Variants in KRR1 observed in about 807,000 individuals in gnomAD.
The protein encoded by KRR1 is KRR1 small subunit processome component, also known as KRR1 small subunit processome component homolog.
In KRR1, 23 loss-of-function variants were observed where a neutral mutation model predicts 50.0. The observed-to-expected ratio is 0.46, with a 90% CI of 0.33 to 0.65. The LOEUF (loss-of-function observed/expected upper bound fraction) is 0.65. KRR1 is among the 30% of genes least tolerant of loss of function. The pLI is 0.02. For missense variants in KRR1, 419 were observed against 442.4 expected, an observed-to-expected ratio of 0.95 and a Z score of 0.47; for synonymous variants, 133 against 146.3, an observed-to-expected ratio of 0.91 and a Z score of 0.66.
Position 75,499,601 on chromosome 12 carries a change from CAA to C in KRR1, c.*206_*207del, listed in dbSNP as rs71684960. 77,016 of 313,242 alleles carry C rather than the reference CAA, an allele frequency of 0.25. 10,262 individuals carry two copies. The highest frequency in any genetic ancestry group is 0.34 in the South Asian group (4,073 of 11,954). 19.4% of individuals were successfully genotyped at this position (313,242 alleles called of 1,614,324 possible). The stretch of plus-strand genomic sequence containing the variant: ...ATAATCACAATGGTCGTAATGTATA[CAA>C]AGACTTATATACCACTTTCTCGTAT... On this transcript the variant is annotated 3_prime_UTR_variant, in exon 10 of 10. Transcript: ENST00000229214.
chr12:75,509,845 T>TTACCCCA (rs2046439028), intron 1 of KRR1, among the ~76,000 whole-genome samples: 1 of 151,892 alleles, frequency 6.6e-6, no homozygotes, highest in Non-Finnish European at 1.5e-5. Context: ...CTCCTCAGCT[T>TTACCCCA]GCCAAAGTGC....
At chr12:75,509,759 A>AT (rs141358671) in intron 1 of KRR1, among the ~76,000 whole-genome samples, 4,201 of 140,180 alleles carry the variant, frequency 0.03, 177 homozygotes, top group African/African-American at 0.098. Context: ...TGTCCGGCTA[A>AT]TTTTTTTTTT....
Position 75,496,749 on chromosome 12 carries a change from A to C in KRR1, c.*3060T>G, listed in dbSNP as rs2046354073. 6.6e-6 allele frequency: 1 copy of C among 152,174 alleles called. No individual in the cohort carries two copies. The highest frequency in any genetic ancestry group is 1.5e-5 in the Non-Finnish European group (1 of 68,028). The allele number at this position is 152,174 out of a possible 1,614,324, so 9.4% of individuals were successfully genotyped here. On this transcript the variant is annotated 3_prime_UTR_variant, in exon 10 of 10. Coordinates refer to ENST00000229214, the MANE Select transcript of KRR1 (RefSeq NM_007043.7). ...CTGCACGAAATTTAGTTTGGAAAAAAGTGTTCCATTGCTCATGTTTTATAA... is the reference window on the plus strand; with the variant it reads ...CTGCACGAAATTTAGTTTGGAAAAACGTGTTCCATTGCTCATGTTTTATAA...
intron 1 of KRR1, among the ~76,000 whole-genome samples, chr12:75,510,541 T>C (rs1434767313): frequency 2.0e-5 from 3 of 152,124 alleles, no homozygotes; most frequent in African/African-American, 7.2e-5. Flanking sequence ...ACGGTCCACT[T>C]TCATGTATAT....
At chr12:75,502,672 A>G (rs2046403004) in intron 7 of KRR1, 1 of 152,068 alleles carries the variant, frequency 6.6e-6, no homozygotes, top group Non-Finnish European at 1.5e-5. Flanking sequence ...AGGTATGGGG[A>G]AACTTAAGTA....
intron 1 of KRR1, among the ~76,000 whole-genome samples, chr12:75,508,969 G>A (rs1013160259): frequency 4.3e-4 from 65 of 152,144 alleles, no homozygotes; most frequent in African/African-American, 1.6e-3. Flanking sequence ...CATTTTGAGT[G>A]CCTTATTTCC....
In KRR1 at chr12:75,496,492, G is replaced by T. The variant is rs1488806785; in HGVS notation, c.*3317C>A. 6.6e-6 allele frequency: 1 copy of T among 152,180 alleles called. No individual in the cohort carries two copies. Among genetic ancestry groups the T allele is most frequent in the Non-Finnish European group, 1.5e-5 (1 of 68,038 alleles). The allele number at this position is 152,180 out of a possible 1,614,324, so 9.4% of individuals were successfully genotyped here. The stretch of plus-strand genomic sequence containing the variant: ...AAACATCCAAGCAAAATTCTGCTTT[G>T]TGATTTTGAAATATTAGTAAGTGAC... On this transcript the variant is annotated 3_prime_UTR_variant, in exon 10 of 10. Coordinates refer to ENST00000229214, the MANE Select transcript of KRR1 (RefSeq NM_007043.7).
chr12:75,501,834 A>T lies in KRR1; in HGVS notation c.910-18T>A. ...TGTTTAGCCTACATTAATAAATAAA[A>T]AATATATCAGTTAAATGTATTTATA... is the stretch of plus-strand genomic sequence containing the variant. On this transcript the variant is annotated intron_variant, in intron 8 of 9. Coordinates refer to ENST00000229214, the MANE Select transcript of KRR1 (RefSeq NM_007043.7). The T allele has an allele frequency of 6.3e-7, 1 of 1,579,468 alleles. No homozygotes were observed. Among genetic ancestry groups the T allele is most frequent in the Non-Finnish European group, 8.6e-7 (1 of 1,158,030 alleles).
chr12:75,495,482 C>A lies in KRR1; in HGVS notation c.*4327G>T. The A allele has an allele frequency of 1.5e-6, 1 of 687,532 alleles. No individual in the cohort carries two copies. The highest frequency in any genetic ancestry group is 2.2e-5 in the Admixed American group (1 of 45,248). The allele number at this position is 687,532 out of a possible 1,614,324, so 42.6% of individuals were successfully genotyped here. A position where few individuals can be genotyped will look rare whatever the true frequency, so the allele number is the denominator to read the frequency against. On this transcript the variant is annotated 3_prime_UTR_variant, in exon 10 of 10. Transcript: ENST00000229214. ...ACTCTCTGGACCTTTGTACTTCACT[C>A]CACTATTCTTCTGGATTTAGTTAAG...
rs751113058 is a variant in KRR1, at chr12:75,506,297, G to C, written c.603+19C>G. 1.4e-6 allele frequency: 2 copies of C among 1,464,422 alleles called. No homozygotes were observed. Among genetic ancestry groups the C allele is most frequent in the African/African-American group, 1.4e-5 (1 of 70,916 alleles). The allele number at this position is 1,464,422 out of a possible 1,614,324, so 90.7% of individuals were successfully genotyped here. A position where few individuals can be genotyped will look rare whatever the true frequency, so the allele number is the denominator to read the frequency against. On this transcript the variant is annotated intron_variant, in intron 5 of 9. Transcript: ENST00000229214. The stretch of plus-strand genomic sequence containing the variant: ...TGTTCTCTGCTGAAAATGAATCGAA[G>C]ATAATACATAGTTCTCACCTCTTTT...
Position 75,498,830 on chromosome 12 carries a change from A to C in KRR1, c.*979T>G. On this transcript the variant is annotated 3_prime_UTR_variant, in exon 10 of 10. Coordinates refer to ENST00000229214, the MANE Select transcript of KRR1 (RefSeq NM_007043.7). ...TTCTATGTTTGTTTCACAGGTTACT[A>C]CTCTGTTGTATATCCAGGCTGGCCC... The C allele has an allele frequency of 1.2e-6, 2 of 1,612,606 alleles. No homozygotes were observed. The highest frequency in any genetic ancestry group is 1.7e-6 in the Non-Finnish European group (2 of 1,178,978).
chr12:75,504,153 T>A (rs1331676049), intron 6 of KRR1, 79 bp from the exon 7 acceptor site: 1 of 975,106 alleles, frequency 1.0e-6, no homozygotes, highest in Non-Finnish European at 1.5e-6. Context: ...TAAATATTGC[T>A]TCTATAAATA....
Position 75,499,150 on chromosome 12 carries a change from A to G in KRR1, c.*659T>C, listed in dbSNP as rs1266282483. On this transcript the variant is annotated 3_prime_UTR_variant, in exon 10 of 10. Coordinates refer to ENST00000229214, the MANE Select transcript of KRR1 (RefSeq NM_007043.7). ...TTTCCTAACTCTATCAGATAAACTCATCTTTAGTATAAATAAGCATTATTT... is the reference window on the plus strand; with the variant it reads ...TTTCCTAACTCTATCAGATAAACTCGTCTTTAGTATAAATAAGCATTATTT... The G allele has an allele frequency of 4.4e-6, 2 of 456,166 alleles. No individual in the cohort carries two copies. Among genetic ancestry groups the G allele is most frequent in the African/African-American group, 4.1e-5 (2 of 48,874 alleles). 28.3% of individuals were successfully genotyped at this position (456,166 alleles called of 1,614,324 possible). A position where few individuals can be genotyped will look rare whatever the true frequency, so the allele number is the denominator to read the frequency against.
intron 2 of KRR1, among the ~76,000 whole-genome samples, chr12:75,507,394 A>G (rs577130735): frequency 3.9e-5 from 6 of 152,324 alleles, no homozygotes; most frequent in Admixed American, 3.9e-4. Context: ...GAAAAAAGCA[A>G]TGATTAGAAA....
rs749751352 is a variant in KRR1, at chr12:75,498,971, T to C, written c.*838A>G. ...CACAAGTACCCTAATTTAGTTCTTT[T>C]GGACTAATACAATTCAGGAAAGAAA... On this transcript the variant is annotated 3_prime_UTR_variant, in exon 10 of 10. Coordinates refer to ENST00000229214, the MANE Select transcript of KRR1 (RefSeq NM_007043.7). The C allele has an allele frequency of 6.3e-7, 1 of 1,589,186 alleles. No individual in the cohort carries two copies. The highest frequency in any genetic ancestry group is 1.4e-5 in the African/African-American group (1 of 73,718).
chr12:75,505,412 T>C (rs1033523887), intron 5 of KRR1, among the ~76,000 whole-genome samples, 158 bp from the exon 6 acceptor site: 4 of 152,050 alleles, frequency 2.6e-5, no homozygotes, highest in African/African-American at 9.7e-5. Flanking sequence ...CTTCTCCATC[T>C]TTCATAAAGG....
At chr12:75,508,793 T>C (rs1223578173) in intron 1 of KRR1, among the ~76,000 whole-genome samples, 2 of 152,222 alleles carry the variant, frequency 1.3e-5, no homozygotes, top group Non-Finnish European at 2.9e-5. Context: ...TATCATAAAA[T>C]TGAAGATTTG....
At position 75,498,669 on chromosome 12, in the gene KRR1, TTC is replaced by T. The variant is rs768440812; in HGVS notation, c.*1138_*1139del. The stretch of plus-strand genomic sequence containing the variant: ...ACTGTGTCTACCCTTTTAATTTTTT[TTC>T]TTTCTTCCCCCTAACTTTACAGTTA... On this transcript the variant is annotated 3_prime_UTR_variant, in exon 10 of 10. Coordinates refer to ENST00000229214, the MANE Select transcript of KRR1 (RefSeq NM_007043.7). 2 of 1,601,024 alleles carry T rather than the reference TTC, an allele frequency of 1.2e-6. No homozygotes were observed. Among genetic ancestry groups the T allele is most frequent in the Non-Finnish European group, 1.7e-6 (2 of 1,168,304 alleles).
In KRR1 at chr12:75,511,572, G is replaced by T. The variant is rs758092492; in HGVS notation, c.26C>A (p.Pro9Gln). The T allele has an allele frequency of 1.2e-6, 2 of 1,613,864 alleles. No homozygotes were observed. The highest frequency in any genetic ancestry group is 1.3e-5 in the African/African-American group (1 of 74,880). ...TTCACTTTTTCCAGCGCCTTTTTCT[G>T]GCCGCTCCAGCGAGGGAGACGCCAT... MASPSLER[P>Q]EKGAGKSEFR... is the part of the protein sequence containing the mutation. The change falls in exon 1 of 10, where the codon CCA becomes CAA. Residue 9 changes from proline to glutamine, a missense_variant. Pro to Gln is a moderately conservative substitution (Grantham distance 76). Coordinates refer to ENST00000229214, the MANE Select transcript of KRR1 (RefSeq NM_007043.7).
Sources: gnomAD v4.1 joint callset for allele counts (sites outside exome capture counted in the v4.1 genomes callset) on GRCh38, gnomAD v4.1.1 for gene constraint, MANE v1.5 for transcripts, NCBI Gene and HGNC (gene_info 2026-07-23, HGNC 2026-07-21) for gene names.